Variants in PRDM6 observed in about 807,000 individuals in gnomAD.
PRDM6 encodes PR/SET domain 6.
In PRDM6, 25 loss-of-function variants were observed where a neutral mutation model predicts 60.8. That is an observed-to-expected ratio of 0.41 (90% CI 0.30 to 0.57). PRDM6 has a LOEUF of 0.57. Among genes scored for constraint, PRDM6 ranks in the 20% least tolerant of loss-of-function variants. PRDM6 has a pLI of 0.27. For missense variants in PRDM6, 839 were observed against 821.3 expected (o/e 1.02, Z -0.26); for synonymous variants, 407 against 357.4 (o/e 1.14, Z -1.57).
rs138552072 is a variant in PRDM6 at position 123,180,261 on chromosome 5, C to T, written c.1611C>T (p.Ala537=). 6,798 of 1,551,810 alleles carry T rather than the reference C, an allele frequency of 4.4e-3. 22 individuals are homozygous for T. Among genetic ancestry groups the T allele is most frequent in the Non-Finnish European group, 5.3e-3 (6,104 of 1,147,022 alleles). The change falls in exon 7 of 8, where the codon GCC becomes GCT. Residue 537 remains alanine (A), a synonymous_variant. Transcript: ENST00000407847. Reference sequence around the variant, plus strand: ...TCAAGTGCGGCTACTGTGGTCGTGCCTTTGCCGGGGCCACCACCCTCAACA... The same window carrying T: ...TCAAGTGCGGCTACTGTGGTCGTGCTTTTGCCGGGGCCACCACCCTCAACA... ...RPFKCGYCGR[A]FAGATTLNNH...
intron 7 of PRDM6, among the ~76,000 whole-genome samples, chr5:123,186,569 G>A (rs1766293480): frequency 6.6e-6 from 1 of 152,140 alleles, no homozygotes; most frequent in Non-Finnish European, 1.5e-5. Flanking sequence ...AAAAAGCAGC[G>A]ACCACGCCTA....
intron 6 of PRDM6, among the ~76,000 whole-genome samples, chr5:123,179,580 TG>T: frequency 6.6e-6 from 1 of 152,214 alleles, no homozygotes; most frequent in East Asian, 1.9e-4. Flanking sequence ...TGTGTTTACC[TG>T]GTACTTAGGA....
chr5:123,187,461 A>G lies in PRDM6; in HGVS notation c.*260A>G. 3.6e-6 allele frequency: 1 copy of G among 276,190 alleles called. No individual in the cohort carries two copies. The highest frequency in any genetic ancestry group is 7.8e-5 in the East Asian group (1 of 12,790). 17.1% of individuals were successfully genotyped at this position (276,190 alleles called of 1,614,324 possible). A position where few individuals can be genotyped will look rare whatever the true frequency, so the allele number is the denominator to read the frequency against. On this transcript the variant is annotated 3_prime_UTR_variant, in exon 8 of 8. Transcript: ENST00000407847. ...TGGGATGGTTAACATTTCCAGTCCC[A>G]CCATGTATTTTGCTTTGTTTCTAAA...
At chr5:123,153,448 GTT>G (rs1328135523) in intron 3 of PRDM6, among the ~76,000 whole-genome samples, 1 of 152,182 alleles carries the variant, frequency 6.6e-6, no homozygotes, top group Admixed American at 6.6e-5. Flanking sequence ...GGTTGAATGA[GTT>G]TGTTCAACTC....
At chr5:123,183,298 C>A (rs1766209241) in intron 7 of PRDM6, among the ~76,000 whole-genome samples, 1 of 152,160 alleles carries the variant, frequency 6.6e-6, no homozygotes. Flanking sequence ...CTCAGGAGGC[C>A]TTTACAGAAT....
rs536152323 is a variant in PRDM6 at position 123,166,882 on chromosome 5, T to C, written c.1154-3884T>C. Among the ~76,000 whole-genome samples the C allele has an allele frequency of 6.6e-5, 10 of 152,348 alleles. 1 individual carries two copies. The South Asian group carries it at 2.1e-3, about 32-fold the overall frequency. ...CCCTCTTCCCCTTAATTTTTGCGTT[T>C]CCAGACTGAAGAGATTGACTAGCTC... is the stretch of plus-strand genomic sequence containing the variant. On this transcript the variant is annotated intron_variant, in intron 5 of 7. Coordinates refer to ENST00000407847, the MANE Select transcript of PRDM6 (RefSeq NM_001136239.4).
At chr5:123,101,846 T>A (rs189371812) in intron 3 of PRDM6, among the ~76,000 whole-genome samples, 23 of 152,352 alleles carry the variant, frequency 1.5e-4, no homozygotes, top group Non-Finnish European at 1.0e-4. Flanking sequence ...TTTCTACCTT[T>A]ACTTGTACTT....
intron 5 of PRDM6, among the ~76,000 whole-genome samples, chr5:123,167,681 A>T (rs1451759186): frequency 6.6e-6 from 1 of 152,146 alleles, no homozygotes; most frequent in African/African-American, 2.4e-5. Context: ...GAGCCACCAC[A>T]TCCGGCTCAG....
intron 4 of PRDM6, among the ~76,000 whole-genome samples, chr5:123,157,641 T>A (rs577790809): frequency 1.4e-4 from 22 of 152,298 alleles, no homozygotes; most frequent in Non-Finnish European, 2.8e-4. Flanking sequence ...CTGGCATTCA[T>A]CACCAGTGAC....
chr5:123,184,506 C>G (rs899617043), intron 7 of PRDM6, among the ~76,000 whole-genome samples: 4 of 152,164 alleles, frequency 2.6e-5, no homozygotes, highest in Non-Finnish European at 5.9e-5. Flanking sequence ...GCGCTTTTCC[C>G]TCCTGACGCA....
chr5:123,165,803 GTTTC>G (rs1419569177), intron 5 of PRDM6, among the ~76,000 whole-genome samples: 1 of 152,110 alleles, frequency 6.6e-6, no homozygotes, highest in Non-Finnish European at 1.5e-5. Context: ...TCTGTACTTT[GTTTC>G]TTTATTTACC....
intron 5 of PRDM6, among the ~76,000 whole-genome samples, chr5:123,162,907 C>G (rs1161338446): frequency 1.3e-5 from 2 of 152,180 alleles, no homozygotes; most frequent in Non-Finnish European, 2.9e-5. Context: ...TAAGAAAATA[C>G]TCTTGTGATT....
At chr5:123,113,323 A>G (rs1234622983) in intron 3 of PRDM6, among the ~76,000 whole-genome samples, 1 of 152,236 alleles carries the variant, frequency 6.6e-6, no homozygotes. Context: ...AAGAATGCCT[A>G]GCATACATAG....
intron 3 of PRDM6, among the ~76,000 whole-genome samples, chr5:123,105,913 T>G (rs1201256886): frequency 1.3e-5 from 2 of 152,248 alleles, no homozygotes; most frequent in Non-Finnish European, 2.9e-5. Flanking sequence ...TGACAGAGGT[T>G]GACCTTTCGT....
At chr5:123,093,251 G>A (rs575277958) in intron 2 of PRDM6, among the ~76,000 whole-genome samples, 1 of 152,198 alleles carries the variant, frequency 6.6e-6, no homozygotes, top group South Asian at 2.1e-4. Flanking sequence ...CTCACAAGGC[G>A]AAATAAAAAG....
intron 3 of PRDM6, among the ~76,000 whole-genome samples, chr5:123,121,475 T>G (rs1764580321): frequency 6.6e-6 from 1 of 152,190 alleles, no homozygotes; most frequent in East Asian, 1.9e-4. Context: ...CTCAAACTCC[T>G]GGGCTCAAGT....
chr5:123,171,688 A>G (rs1250357071), intron 6 of PRDM6, among the ~76,000 whole-genome samples: 2 of 151,802 alleles, frequency 1.3e-5, no homozygotes, highest in Non-Finnish European at 2.9e-5. Context: ...CAGAAGAAAA[A>G]TGTTGACTAG....
rs1425364918 is a variant in PRDM6, at chr5:123,192,470, GA to G, written c.*5271del. 4 of 149,596 alleles carry G rather than the reference GA, an allele frequency of 2.7e-5. No individual in the cohort carries two copies. Among genetic ancestry groups the G allele is most frequent in the African/African-American group, 9.8e-5 (4 of 41,014 alleles). 9.3% of individuals were successfully genotyped at this position (149,596 alleles called of 1,614,324 possible). ...AAAATGTGTTTGTGGAAACAATACT[GA>G]AGTGCTATTAAAACACGTATCATTA... On this transcript the variant is annotated 3_prime_UTR_variant, in exon 8 of 8. Coordinates refer to ENST00000407847, the MANE Select transcript of PRDM6 (RefSeq NM_001136239.4).
At chr5:123,159,307 C>T (rs1239462874) in intron 4 of PRDM6, among the ~76,000 whole-genome samples, 1 of 152,100 alleles carries the variant, frequency 6.6e-6, no homozygotes, top group Non-Finnish European at 1.5e-5. Context: ...TAGGGAGGGT[C>T]ATTGTGGAAA....
Sources: gnomAD v4.1 joint callset for allele counts (sites outside exome capture counted in the v4.1 genomes callset) on GRCh38, gnomAD v4.1.1 for gene constraint, MANE v1.5 for transcripts, NCBI Gene and HGNC (gene_info 2026-07-23, HGNC 2026-07-21) for gene names.